TRIM26: variants seen among roughly 807,000 people sequenced by gnomAD.
TRIM26 encodes the protein tripartite motif containing 26.
A neutral mutation model predicts 45.5 loss-of-function variants in TRIM26; 16 were observed. That is an observed-to-expected ratio of 0.35 (90% CI 0.24 to 0.53). TRIM26 has a LOEUF of 0.53. Ranked by LOEUF, TRIM26 falls within the 20% of genes least tolerant of loss-of-function variation. TRIM26 has a pLI of 0.92. For missense variants in TRIM26, 442 were observed against 691.1 expected (o/e 0.64, Z 4.04); for synonymous variants, 273 against 290.4 (o/e 0.94, Z 0.61).
Position 30,186,203 on chromosome 6 carries a change from C to A in TRIM26, c.1293G>T (p.Glu431Asp). ...DEEEEEEEEE[E>D]EVLESCMVGV... ...CCACCATGCAGCTTTCCAGAACTTC[C>A]TCCTCTTCCTCCTCCTCTTCTTCCT... is the stretch of plus-strand genomic sequence containing the variant. The change falls in exon 10 of 10, where the codon GAG becomes GAT. Residue 431 changes from glutamate (E) to aspartate (D), a missense_variant. Coordinates refer to ENST00000454678, the MANE Select transcript of TRIM26 (RefSeq NM_003449.5). This position sits in a 1 kb window ranked among gnomAD's most constrained non-coding sequence, Gnocchi z 7.4. 1 of 1,595,058 alleles carries A rather than the reference C, an allele frequency of 6.3e-7. No individual in the cohort carries two copies. The highest frequency in any genetic ancestry group is 1.3e-5 in the African/African-American group (1 of 74,386).
At position 30,186,868 on chromosome 6, in the gene TRIM26, C is replaced by G; in HGVS notation, c.938-310G>C. On this transcript the variant is annotated intron_variant, in intron 9 of 9. Transcript: ENST00000454678. The surrounding 1 kb of genome is among the most constrained non-coding windows in gnomAD (Gnocchi z 7.4). Reference sequence around the variant, plus strand: ...TTCCTCTATCTCTGGATCTCTGGGTCCAACTCATCATTAATATCATCCAAG... The same window carrying G: ...TTCCTCTATCTCTGGATCTCTGGGTGCAACTCATCATTAATATCATCCAAG... 1 of 807,248 alleles carries G rather than the reference C, an allele frequency of 1.2e-6. No homozygotes were observed. The highest frequency in any genetic ancestry group is 1.5e-5 in the South Asian group (1 of 68,236). 50.0% of individuals were successfully genotyped at this position (807,248 alleles called of 1,614,324 possible).
intron 6 of TRIM26, among the ~76,000 whole-genome samples, chr6:30,191,734 G>T (rs187455026): frequency 6.6e-6 from 1 of 152,222 alleles, no homozygotes; most frequent in African/African-American, 2.4e-5. Context: ...CCAACCCCCC[G>T]CTATGAAGCA....
chr6:30,184,668 G>C lies in TRIM26; in HGVS notation c.*1208C>G, dbSNP rs1042398. ...GTGGTCAAGTGACCACTGAGGCCCA[G>C]AGCCGTTGGAACAGTCTCTTAGAAC... On this transcript the variant is annotated 3_prime_UTR_variant, in exon 10 of 10. Coordinates refer to ENST00000454678, the MANE Select transcript of TRIM26 (RefSeq NM_003449.5). The C allele has an allele frequency of 1.3e-5, 2 of 152,746 alleles. No individual in the cohort carries two copies. Among genetic ancestry groups the C allele is most frequent in the African/African-American group, 4.8e-5 (2 of 41,460 alleles). The allele number at this position is 152,746 out of a possible 1,614,324, so 9.5% of individuals were successfully genotyped here. A position where few individuals can be genotyped will look rare whatever the true frequency, so the allele number is the denominator to read the frequency against.
Position 30,195,548 on chromosome 6 carries a change from C to T in TRIM26, c.765+968G>A, listed in dbSNP as rs184034482. ...TGGAAGGTCTAAAATCCCTGCCAGT[C>T]CTCATTCTGTACATCTGAATTCACA... On this transcript the variant is annotated intron_variant, in intron 6 of 9. Coordinates refer to ENST00000454678, the MANE Select transcript of TRIM26 (RefSeq NM_003449.5). Among the ~76,000 whole-genome samples the T allele has an allele frequency of 7.2e-3, 1,091 of 152,282 alleles. 42 individuals carry two copies. In the South Asian group the frequency reaches 0.12, roughly 17 times the overall value.
rs1379484260 is a variant in TRIM26 at position 30,186,351 on chromosome 6, T to C, written c.1145A>G (p.Asp382Gly). Reference protein sequence around the residue: ...VEVEREGWSEDEEEGDEEEEG... With the variant: ...VEVEREGWSEGEEEGDEEEEG... ...TTCCTCCTCATCCCCCTCTTCTTCA[T>C]CCTCAGACCAGCCCTCCCTCTCCAC... Residue 382 changes from aspartate to glycine, a missense_variant, in exon 10 of 10, where the codon GAT (aspartate) becomes GGT (glycine). Coordinates refer to ENST00000454678, the MANE Select transcript of TRIM26 (RefSeq NM_003449.5). The surrounding 1 kb of genome is among the most constrained non-coding windows in gnomAD (Gnocchi z 7.4). The C allele has an allele frequency of 1.2e-6, 2 of 1,612,790 alleles. No homozygotes were observed. Among genetic ancestry groups the C allele is most frequent in the Non-Finnish European group, 1.7e-6 (2 of 1,179,816 alleles).
chr6:30,200,633 T>C (rs546538224), intron 3 of TRIM26, among the ~76,000 whole-genome samples: 1 of 152,300 alleles, frequency 6.6e-6, no homozygotes, highest in South Asian at 2.1e-4. Context: ...TCTGCTTCTG[T>C]TTACCTTTGT....
chr6:30,208,534 C>G (rs3094616), intron 1 of TRIM26, among the ~76,000 whole-genome samples: 57,756 of 119,150 alleles, frequency 0.48, 11,413 homozygotes, highest in African/African-American at 0.49. Context: ...TTTTTTTTTT[C>G]CATGTATTTG....
Position 30,185,517 on chromosome 6 carries a change from T to C in TRIM26, c.*359A>G. 1 of 306,488 alleles carries C rather than the reference T, an allele frequency of 3.3e-6. No homozygotes were observed. The highest frequency in any genetic ancestry group is 1.2e-4 in the South Asian group (1 of 8,160). 19.0% of individuals were successfully genotyped at this position (306,488 alleles called of 1,614,324 possible). A position where few individuals can be genotyped will look rare whatever the true frequency, so the allele number is the denominator to read the frequency against. ...TGATCTTAGGCGTAATTGACTGGTT[T>C]TTCTGAGGTCTTGCCACACTGGGCA... On this transcript the variant is annotated 3_prime_UTR_variant, in exon 10 of 10. Coordinates refer to ENST00000454678, the MANE Select transcript of TRIM26 (RefSeq NM_003449.5). The surrounding 1 kb of genome is among the most constrained non-coding windows in gnomAD (Gnocchi z 5.7).
intron 9 of TRIM26, chr6:30,187,280 C>G (rs941626714): frequency 3.3e-6 from 1 of 306,014 alleles, no homozygotes; most frequent in East Asian, 9.3e-5. Flanking sequence ...TCTTCCAAAA[C>G]TGACCCTGTC....
In TRIM26 at chr6:30,186,671, A is replaced by T. The variant is rs967759218; in HGVS notation, c.938-113T>A. 1 of 1,299,832 alleles carries T rather than the reference A, an allele frequency of 7.7e-7. No homozygotes were observed. The highest frequency in any genetic ancestry group is 3.2e-5 in the Admixed American group (1 of 30,868). The allele number at this position is 1,299,832 out of a possible 1,614,324, so 80.5% of individuals were successfully genotyped here. On this transcript the variant is annotated intron_variant, in intron 9 of 9. Transcript: ENST00000454678. The surrounding 1 kb of genome is among the most constrained non-coding windows in gnomAD (Gnocchi z 7.4). ...TAGCGTTAAACAAAATTAAAGTTGC[A>T]TACATTAGTAATATAACTCAACATC...
Position 30,189,272 on chromosome 6 carries a change from C to T in TRIM26, c.905-73G>A. On this transcript the variant is annotated intron_variant, in intron 8 of 9. Transcript: ENST00000454678. The surrounding 1 kb of genome is among the most constrained non-coding windows in gnomAD (Gnocchi z 5.0). ...AGCCCATTTCTTGCTCGGGCAGTAT[C>T]AATTTCCTGATAGGGATCCATGTCT... The T allele has an allele frequency of 6.2e-7, 1 of 1,604,654 alleles. No individual in the cohort carries two copies. Among genetic ancestry groups the T allele is most frequent in the Non-Finnish European group, 8.5e-7 (1 of 1,172,482 alleles).
At position 30,199,213 on chromosome 6, in the gene TRIM26, G is replaced by A. The variant is rs1776842171; in HGVS notation, c.-110C>T. On this transcript the variant is annotated 5_prime_UTR_variant, in exon 4 of 10. Coordinates refer to ENST00000454678, the MANE Select transcript of TRIM26 (RefSeq NM_003449.5). The stretch of plus-strand genomic sequence containing the variant: ...AGTAAAGGGGCAAAGGTGGCAGCCT[G>A]CACAGGGCTGCCAGCTCCAGCACTC... The A allele has an allele frequency of 2.9e-6, 3 of 1,045,658 alleles. No individual in the cohort carries two copies. The highest frequency in any genetic ancestry group is 4.1e-6 in the Non-Finnish European group (3 of 739,132). 64.8% of individuals were successfully genotyped at this position (1,045,658 alleles called of 1,614,324 possible). A position where few individuals can be genotyped will look rare whatever the true frequency, so the allele number is the denominator to read the frequency against.
chr6:30,189,865 TG>T lies in TRIM26; in HGVS notation c.788+147del, dbSNP rs1245531095. On this transcript the variant is annotated intron_variant, in intron 7 of 9. Transcript: ENST00000454678. The surrounding 1 kb of genome is among the most constrained non-coding windows in gnomAD (Gnocchi z 5.0). ...GTCTCCAGTTCTCAATGATGTGTCC[TG>T]CTCCTCAGAAGGGCATCAGGATGAA... 2 of 910,768 alleles carry T rather than the reference TG, an allele frequency of 2.2e-6. No homozygotes were observed. The highest frequency in any genetic ancestry group is 5.2e-5 in the East Asian group (2 of 38,822). 56.4% of individuals were successfully genotyped at this position (910,768 alleles called of 1,614,324 possible).
chr6:30,189,997 G>C lies in TRIM26; in HGVS notation c.788+16C>G, dbSNP rs750330309. On this transcript the variant is annotated intron_variant, in intron 7 of 9. Transcript: ENST00000454678. The surrounding 1 kb of genome is among the most constrained non-coding windows in gnomAD (Gnocchi z 5.0). ...CAAGGGGGATGAGGTACGCCATGGA[G>C]AGGAGACTCTTTTACCTGTTTAGGA... is the stretch of plus-strand genomic sequence containing the variant. 1 of 1,612,974 alleles carries C rather than the reference G, an allele frequency of 6.2e-7. No individual in the cohort carries two copies.
intron 6 of TRIM26, among the ~76,000 whole-genome samples, chr6:30,191,404 T>TAAAAAA (rs5875241): frequency 7.9e-6 from 1 of 127,286 alleles, no homozygotes; most frequent in Non-Finnish European, 1.6e-5. Context: ...TCAGAACAGT[T>TAAAAAA]AAAAAAAAAA....
chr6:30,193,184 T>TATATATATATATATATA, intron 6 of TRIM26, among the ~76,000 whole-genome samples: 1 of 34,870 alleles, frequency 2.9e-5, no homozygotes, highest in Admixed American at 4.2e-4. Context: ...ATATATATAT[T>TATATATATATATATATA]TTTTTTTTTT....
At chr6:30,197,225 C>T (rs908849980) in intron 5 of TRIM26, among the ~76,000 whole-genome samples, 3 of 152,164 alleles carry the variant, frequency 2.0e-5, no homozygotes, top group African/African-American at 2.4e-5. Context: ...AGACTGCATC[C>T]TGTTTCCTCA....
rs552639096 is a variant in TRIM26 at position 30,209,166 on chromosome 6, C to T, written c.-376+4139G>A. ...AGTTAGTGAGATGGAGACATCCTAA[C>T]CATTAATCCAGGGAAAGGGAGGAAT... On this transcript the variant is annotated intron_variant, in intron 1 of 9. Transcript: ENST00000454678. This position sits in a 1 kb window ranked among gnomAD's most constrained non-coding sequence, Gnocchi z 4.8. 1.2e-4 allele frequency among the ~76,000 whole-genome samples: 18 copies of T among 152,186 alleles called. No homozygotes were observed. The East Asian group carries it at 2.9e-3, about 24-fold the overall frequency.
At chr6:30,205,512 T>C (rs1341712946) in intron 1 of TRIM26, among the ~76,000 whole-genome samples, 9 of 152,164 alleles carry the variant, frequency 5.9e-5, no homozygotes, top group Admixed American at 2.0e-4. Context: ...TGCACGATTA[T>C]TGGCTCCAAG....
Sources: allele counts gnomAD v4.1 joint callset (sites outside exome capture counted in the v4.1 genomes callset), GRCh38; gene constraint gnomAD v4.1.1; non-coding constraint Gnocchi (gnomAD v3.1); transcripts MANE v1.5; gene names NCBI Gene and HGNC (gene_info 2026-07-23, HGNC 2026-07-21).